Variants in PLEKHG1 observed in about 807,000 individuals in gnomAD.
The protein encoded by PLEKHG1 is pleckstrin homology domain-containing family G member 1.
PLEKHG1 carries 44 observed loss-of-function variants against 100.8 expected under a neutral mutation model. The ratio of observed to expected loss-of-function variants is 0.44; its 90% confidence interval spans 0.34 to 0.56. The LOEUF (loss-of-function observed/expected upper bound fraction) is 0.56. Ranked by LOEUF, PLEKHG1 falls within the 20% of genes least tolerant of loss-of-function variation. The pLI, the probability that PLEKHG1 is intolerant of heterozygous loss-of-function variation, is 0.01. For synonymous variants in PLEKHG1, 640 were observed against 662.5 expected, an observed-to-expected ratio of 0.97 and a Z score of 0.52; for missense variants, 1,545 against 1,720.9, an observed-to-expected ratio of 0.90 and a Z score of 1.81.
intron 14 of PLEKHG1, among the ~76,000 whole-genome samples, chr6:150,826,170 A>C (rs1313214053): frequency 6.6e-6 from 1 of 152,006 alleles, no homozygotes; most frequent in Non-Finnish European, 1.5e-5. Flanking sequence ...CAACAAGAGC[A>C]AAAAAGGCTG....
At chr6:150,748,786 C>T (rs1448978079) in intron 2 of PLEKHG1, among the ~76,000 whole-genome samples, 3 of 151,018 alleles carry the variant, frequency 2.0e-5, no homozygotes, top group African/African-American at 4.9e-5. Flanking sequence ...CCATGCCCGG[C>T]TAATTTTTTT....
At chr6:150,721,553 C>T (rs1021301423) in intron 1 of PLEKHG1, among the ~76,000 whole-genome samples, 4 of 152,276 alleles carry the variant, frequency 2.6e-5, no homozygotes, top group Middle Eastern at 3.4e-3. Flanking sequence ...TCAGTTGTCA[C>T]GCGCCGAATG....
chr6:150,604,141 TTAAGA>T (rs1392385646), intron 1 of PLEKHG1, among the ~76,000 whole-genome samples: 2 of 152,174 alleles, frequency 1.3e-5, no homozygotes, highest in Non-Finnish European at 2.9e-5. Context: ...AAAGAAAAAT[TTAAGA>T]TAAGCATGAG....
chr6:150,671,088 C>CATAT (rs10566696), intron 3 of PLEKHG1, among the ~76,000 whole-genome samples: 1,476 of 147,472 alleles, frequency 0.01, 24 homozygotes, highest in South Asian at 0.064. Context: ...AGTATTCCAT[C>CATAT]ATATATATAT....
rs556601569 is a variant in PLEKHG1, at chr6:150,709,130, G to A, written c.-98-24454G>A. Among the ~76,000 whole-genome samples, 12 of 152,274 alleles carry A rather than the reference G, an allele frequency of 7.9e-5. No homozygotes were observed. In the East Asian group the frequency reaches 9.7e-4, roughly 12 times the overall value. ...GGACGGAACACAAGGTCAGGAGATC[G>A]AGATCATCCTGGCTAACACGGTGAA... On this transcript the variant is annotated intron_variant, in intron 3 of 3. Transcript: ENST00000367326.
intron 15 of PLEKHG1, among the ~76,000 whole-genome samples, chr6:150,835,661 T>G (rs141235805): frequency 1.1e-4 from 16 of 152,252 alleles, no homozygotes; most frequent in Non-Finnish European, 1.3e-4. Flanking sequence ...AGGCCAGAGG[T>G]GTCATCTCAG....
At chr6:150,786,432 G>A in exon 4 of PLEKHG1, 1 of 1,612,912 alleles carries the variant, frequency 6.2e-7, no homozygotes, top group South Asian at 1.1e-5. Context: ...ATGATCCTGT[G>A]GCCATAGCAG....
chr6:150,819,986 G>A (rs1562550486), intron 12 of PLEKHG1, among the ~76,000 whole-genome samples: 1 of 151,876 alleles, frequency 6.6e-6, no homozygotes, highest in Non-Finnish European at 1.5e-5. Context: ...GAGGCAGGTG[G>A]GTCACCTGAG....
chr6:150,812,165 T>A (rs1301534590), intron 10 of PLEKHG1, among the ~76,000 whole-genome samples: 1 of 152,072 alleles, frequency 6.6e-6, no homozygotes, highest in Non-Finnish European at 1.5e-5. Flanking sequence ...CTGCTCTCAC[T>A]GGCACCCGTG....
intron 3 of PLEKHG1, among the ~76,000 whole-genome samples, chr6:150,674,627 T>TC (rs34130366): frequency 0.038 from 2,204 of 58,276 alleles, 53 homozygotes; most frequent in Admixed American, 0.054. Context: ...TTTCTCTCTC[T>TC]CCTCCCTCTC....
At chr6:150,602,197 T>G (rs1776385236) in intron 1 of PLEKHG1, among the ~76,000 whole-genome samples, 1 of 152,212 alleles carries the variant, frequency 6.6e-6, no homozygotes, top group African/African-American at 2.4e-5. Flanking sequence ...CCTGAAGCTA[T>G]TATCTTAATG....
At chr6:150,839,978 T>C in exon 16 of PLEKHG1, 1 of 1,614,136 alleles carries the variant, frequency 6.2e-7, no homozygotes, top group South Asian at 1.1e-5. Context: ...ACCATGGTAG[T>C]GGAGACTGGC....
chr6:150,709,615 GA>G (rs1781168712), intron 3 of PLEKHG1, among the ~76,000 whole-genome samples: 1 of 152,180 alleles, frequency 6.6e-6, no homozygotes, highest in Non-Finnish European at 1.5e-5. Context: ...GAAGGATTTT[GA>G]ATCACAGAGA....
chr6:150,826,876 T>C (rs1256223112), intron 14 of PLEKHG1, among the ~76,000 whole-genome samples: 1 of 152,118 alleles, frequency 6.6e-6, no homozygotes, highest in African/African-American at 2.4e-5. Flanking sequence ...TTAACTCAAG[T>C]GATCCTCCCA....
intron 2 of PLEKHG1, among the ~76,000 whole-genome samples, chr6:150,638,744 T>C (rs1406775331): frequency 2.0e-5 from 3 of 152,232 alleles, no homozygotes; most frequent in African/African-American, 7.2e-5. Flanking sequence ...TTTCTCAAAT[T>C]ATTTTATGTT....
chr6:150,682,579 A>G (rs1002117636), intron 3 of PLEKHG1, among the ~76,000 whole-genome samples: 1 of 152,068 alleles, frequency 6.6e-6, no homozygotes, highest in African/African-American at 2.4e-5. Flanking sequence ...ATTGCTGATA[A>G]GCTGACATCG....
chr6:150,712,876 T>C (rs1781288998), intron 3 of PLEKHG1, among the ~76,000 whole-genome samples: 1 of 152,256 alleles, frequency 6.6e-6, no homozygotes, highest in East Asian at 1.9e-4. Context: ...AAAGTTGCTA[T>C]CCACTTTTAA....
chr6:150,768,874 T>C (rs1359535808), intron 3 of PLEKHG1, 136 bp downstream of exon 4: 18 of 632,746 alleles, frequency 2.8e-5, no homozygotes, highest in Non-Finnish European at 2.8e-6. Flanking sequence ...GCCAAGAAGC[T>C]TTCTGCTTGG....
At position 150,827,858 on chromosome 6, in the gene PLEKHG1, G is replaced by A. The variant is rs560368717; in HGVS notation, c.1471-2724G>A. 42 of 1,451,448 alleles carry A rather than the reference G, an allele frequency of 2.9e-5. No homozygotes were observed. In the African/African-American group the frequency reaches 5.4e-4, roughly 19 times the overall value. 89.9% of individuals were successfully genotyped at this position (1,451,448 alleles called of 1,614,324 possible). The stretch of plus-strand genomic sequence containing the variant: ...AGGATCACGAAGGCGAGTTTAATGA[G>A]GAGGATGAATGTGCTATTGAAATGT... On this transcript the variant is annotated intron_variant, in intron 14 of 15. Coordinates refer to ENST00000358517, the Ensembl canonical transcript of PLEKHG1.
Sources: allele counts gnomAD v4.1 joint callset (sites outside exome capture counted in the v4.1 genomes callset), GRCh38; gene constraint gnomAD v4.1.1; transcripts MANE v1.5; gene names NCBI Gene and HGNC (gene_info 2026-07-23, HGNC 2026-07-21).